The following CDC42SE2 variants were observed in gnomAD, a reference collection of about 807,000 sequenced individuals.
The protein encoded by CDC42SE2 is CDC42 small effector 2.
Under a neutral mutation model 11.5 loss-of-function variants are expected in CDC42SE2, and 3 were observed. The observed-to-expected ratio is 0.26, with a 90% CI of 0.12 to 0.67. CDC42SE2 has a LOEUF of 0.67. Among genes scored for constraint, CDC42SE2 ranks in the 30% least tolerant of loss-of-function variants. The pLI, the probability that CDC42SE2 is intolerant of heterozygous loss-of-function variation, is 0.80. For missense variants in CDC42SE2, 82 were observed against 106.8 expected (o/e 0.77, Z 1.02); for synonymous variants, 33 against 34.8 (o/e 0.95, Z 0.18).
the CDC42SE2 span, among the ~76,000 whole-genome samples, chr5:131,228,217 A>AG: frequency 6.6e-6 from 1 of 151,394 alleles, no homozygotes; most frequent in Admixed American, 6.6e-5. Context: ...AAAAAAAAAA[A>AG]TTATCCAGGT....
chr5:131,379,085 T>C (rs903192310), intron 3 of CDC42SE2, among the ~76,000 whole-genome samples: 3 of 152,258 alleles, frequency 2.0e-5, no homozygotes, highest in African/African-American at 7.2e-5. Context: ...ACAACTCAAC[T>C]GACTTTCTCT....
At chr5:131,336,927 A>T (rs1000186050) in intron 2 of CDC42SE2, among the ~76,000 whole-genome samples, 5 of 152,296 alleles carry the variant, frequency 3.3e-5, no homozygotes, top group African/African-American at 1.2e-4. Flanking sequence ...TTCCTCCGTT[A>T]GCACAGAGTA....
At chr5:131,257,549 C>T (rs1197048746) in intron 2 of CDC42SE2, among the ~76,000 whole-genome samples, 1 of 150,814 alleles carries the variant, frequency 6.6e-6, no homozygotes, top group African/African-American at 2.5e-5. Flanking sequence ...ACGATCTTGG[C>T]TCACTGCAAC....
At chr5:131,229,884 A>G in the CDC42SE2 span, among the ~76,000 whole-genome samples, 4 of 152,210 alleles carry the variant, frequency 2.6e-5, no homozygotes, top group African/African-American at 9.7e-5. Flanking sequence ...CAGTGAGTCA[A>G]GATTACGCCA....
chr5:131,336,067 TG>T (rs1758552727), intron 2 of CDC42SE2, among the ~76,000 whole-genome samples: 1 of 152,240 alleles, frequency 6.6e-6, no homozygotes, highest in South Asian at 2.1e-4. Flanking sequence ...CTAGCCTTGA[TG>T]ATCTTTACAA....
chr5:131,304,935 G>A (rs1757751494), intron 1 of CDC42SE2, among the ~76,000 whole-genome samples: 1 of 152,120 alleles, frequency 6.6e-6, no homozygotes, highest in Non-Finnish European at 1.5e-5. Flanking sequence ...TTTGGCATGT[G>A]TATATTCCTG....
chr5:131,341,888 CTT>C (rs1406942728), intron 2 of CDC42SE2, among the ~76,000 whole-genome samples: 1 of 148,020 alleles, frequency 6.8e-6, no homozygotes, highest in Non-Finnish European at 1.5e-5. Flanking sequence ...GAGCAAGACT[CTT>C]GTCTCAATAA....
intron 3 of CDC42SE2, among the ~76,000 whole-genome samples, chr5:131,361,470 C>T (rs979213442): frequency 2.0e-5 from 3 of 152,112 alleles, no homozygotes; most frequent in Non-Finnish European, 2.9e-5. Context: ...AGCATACAGA[C>T]GGGGAGCTGT....
At chr5:131,351,938 A>G (rs1334314954) in intron 2 of CDC42SE2, among the ~76,000 whole-genome samples, 1 of 152,258 alleles carries the variant, frequency 6.6e-6, no homozygotes, top group Non-Finnish European at 1.5e-5. Flanking sequence ...GACCTAGAAT[A>G]TATGAAGAAC....
intron 1 of CDC42SE2, among the ~76,000 whole-genome samples, chr5:131,271,040 CTCTT>C (rs778453194): frequency 8.5e-5 from 13 of 152,166 alleles, no homozygotes; most frequent in South Asian, 2.1e-4. Flanking sequence ...GCAAAGCTGA[CTCTT>C]TCTTCAGGAG....
At chr5:131,221,319 A>T in the CDC42SE2 span, among the ~76,000 whole-genome samples, 8 of 151,874 alleles carry the variant, frequency 5.3e-5, no homozygotes, top group Non-Finnish European at 1.0e-4. Context: ...TTTTTAGCTC[A>T]TCAGCTATCA....
intron 3 of CDC42SE2, 82 bp from the exon 4 acceptor site, chr5:131,385,461 T>TA: frequency 1.1e-6 from 1 of 937,090 alleles, no homozygotes; most frequent in South Asian, 1.6e-5. Context: ...GCAAATTTAT[T>TA]AAACAGTCAT....
At chr5:131,311,814 C>T (rs1169192316) in intron 1 of CDC42SE2, among the ~76,000 whole-genome samples, 1 of 152,144 alleles carries the variant, frequency 6.6e-6, no homozygotes. Context: ...AAGCACTTCT[C>T]TGTATTGGTT....
chr5:131,226,371 A>G, the CDC42SE2 span, among the ~76,000 whole-genome samples: 4 of 152,210 alleles, frequency 2.6e-5, no homozygotes, highest in Non-Finnish European at 5.9e-5. Context: ...TTGGCCCCTT[A>G]ACAAATTCCT....
intron 2 of CDC42SE2, among the ~76,000 whole-genome samples, chr5:131,345,981 C>CAAGA (rs1758833134): frequency 6.6e-6 from 1 of 152,160 alleles, no homozygotes. Flanking sequence ...GCCTCCCTTA[C>CAAGA]AAGAGCTCCT....
intron 1 of CDC42SE2, among the ~76,000 whole-genome samples, chr5:131,294,991 A>C (rs1254095626): frequency 1.3e-5 from 2 of 152,002 alleles, no homozygotes; most frequent in Non-Finnish European, 2.9e-5. Flanking sequence ...GCCAGGCGTG[A>C]TGGCATGCAC....
At chr5:131,243,112 T>C (rs951355756), upstream of CDC42SE2, among the ~76,000 whole-genome samples, 1 of 152,218 alleles carries the variant, frequency 6.6e-6, no homozygotes, top group African/African-American at 2.4e-5. Context: ...TTTTGTATTT[T>C]TCTTTCCTTT....
intron 1 of CDC42SE2, among the ~76,000 whole-genome samples, chr5:131,289,012 T>C (rs2149707766): frequency 6.6e-6 from 1 of 152,366 alleles, no homozygotes; most frequent in South Asian, 2.1e-4. Flanking sequence ...TTTTGGCTCC[T>C]GTATTCTATA....
Position 131,316,015 on chromosome 5 carries a change from C to G in CDC42SE2, c.-415C>G, listed in dbSNP as rs1758033257. 1 of 152,252 alleles carries G rather than the reference C, an allele frequency of 6.6e-6. No homozygotes were observed. 9.4% of individuals were successfully genotyped at this position (152,252 alleles called of 1,614,324 possible). A position where few individuals can be genotyped will look rare whatever the true frequency, so the allele number is the denominator to read the frequency against. ...GAGTGTGTGAATTTTTGAGTGAAAC[C>G]TGGAACCCAAATGAGAAGAAATCTG... On this transcript the variant is annotated 5_prime_UTR_variant, in exon 2 of 5. Coordinates refer to ENST00000505065, the MANE Select transcript of CDC42SE2 (RefSeq NM_001375635.1).
Sources: allele counts gnomAD v4.1 joint callset (sites outside exome capture counted in the v4.1 genomes callset), GRCh38; gene constraint gnomAD v4.1.1; transcripts MANE v1.5; gene names NCBI Gene and HGNC (gene_info 2026-07-23, HGNC 2026-07-21).